GFI1: variants seen among roughly 807,000 people sequenced by gnomAD.
GFI1 encodes growth factor independent 1 transcriptional repressor.
GFI1 carries 15 observed loss-of-function variants against 39.2 expected under a neutral mutation model. That is an observed-to-expected ratio of 0.38 (90% confidence interval 0.26 to 0.59). GFI1 has a LOEUF of 0.59. Ranked by LOEUF, GFI1 falls within the 20% of genes least tolerant of loss-of-function variation. The pLI is 0.62. For missense variants in GFI1, 475 were observed against 574.0 expected (o/e 0.83, Z 1.76); for synonymous variants, 239 against 254.3 (o/e 0.94, Z 0.57).
chr1:92,475,918 G>T lies in GFI1; in HGVS notation c.*111C>A. 3.1e-6 allele frequency: 3 copies of T among 981,736 alleles called. No individual in the cohort carries two copies. The highest frequency in any genetic ancestry group is 2.0e-5 in the Admixed American group (1 of 50,494). The allele number at this position is 981,736 out of a possible 1,614,324, so 60.8% of individuals were successfully genotyped here. On this transcript the variant is annotated 3_prime_UTR_variant, in exon 7 of 7. Coordinates refer to ENST00000294702, the MANE Select transcript of GFI1 (RefSeq NM_005263.5). ...GGTAGGATCTGCAGACTGGACCTGG[G>T]GTCTGGAAAGTCAGAAGGGAGTGGA...
intron 5 of GFI1, among the ~76,000 whole-genome samples, chr1:92,479,567 G>A (rs570917920): frequency 1.3e-4 from 20 of 152,228 alleles, no homozygotes; most frequent in African/African-American, 4.8e-4. Context: ...AATAAATAGC[G>A]GCGGTGGGGC....
chr1:92,483,325 G>C, intron 2 of GFI1, 48 bp downstream of exon 2: 1 of 1,035,942 alleles, frequency 9.7e-7, no homozygotes, highest in Non-Finnish European at 1.5e-6. Flanking sequence ...CCGAGGTGCA[G>C]TAGGCATCCG....
Position 92,474,353 on chromosome 1 carries a change from T to C in GFI1, c.*1676A>G, listed in dbSNP as rs567176658. On this transcript the variant is annotated 3_prime_UTR_variant, in exon 7 of 7. Transcript: ENST00000294702. ...CAAAAGATTTACACAAGTCACATGA[T>C]GTGTTGGTGACAGAGCTGTGACTAA... is the stretch of plus-strand genomic sequence containing the variant. Among the ~76,000 whole-genome samples, 2 of 152,302 alleles carry C rather than the reference T, an allele frequency of 1.3e-5. No individual in the cohort carries two copies. The highest frequency in any genetic ancestry group is 4.8e-5 in the African/African-American group (2 of 41,570).
chr1:92,483,546 G>A lies in GFI1; in HGVS notation c.-59C>T, dbSNP rs1658391074. ...AGTCCCTGGAGCCGCTGTCACCCACGGTCACTCCGAGGGCTTGCTCAGCCC... is the reference window on the plus strand; with the variant it reads ...AGTCCCTGGAGCCGCTGTCACCCACAGTCACTCCGAGGGCTTGCTCAGCCC... On this transcript the variant is annotated 5_prime_UTR_variant, in exon 2 of 7. Transcript: ENST00000294702. 2.0e-6 allele frequency: 2 copies of A among 994,366 alleles called. No individual in the cohort carries two copies. The highest frequency in any genetic ancestry group is 2.6e-5 in the East Asian group (1 of 39,040). The allele number at this position is 994,366 out of a possible 1,614,324, so 61.6% of individuals were successfully genotyped here.
At position 92,484,583 on chromosome 1, in the gene GFI1, C is replaced by G. The variant is rs1658437831; in HGVS notation, c.-99-997G>C. 6.6e-6 allele frequency: 1 copy of G among 152,326 alleles called. No individual in the cohort carries two copies. Among genetic ancestry groups the G allele is most frequent in the Non-Finnish European group, 1.5e-5 (1 of 68,178 alleles). The allele number at this position is 152,326 out of a possible 1,614,324, so 9.4% of individuals were successfully genotyped here. ...CGCCAGAGCGCGCAGGCTGCATTAG[C>G]AGAGAGCGGGGGTCGGGCCCGGGCC... On this transcript the variant is annotated intron_variant, in intron 1 of 6. Coordinates refer to ENST00000294702, the MANE Select transcript of GFI1 (RefSeq NM_005263.5). This position sits in a 1 kb window ranked among gnomAD's most constrained non-coding sequence, Gnocchi z 4.1.
chr1:92,473,083 A>T lies in GFI1; in HGVS notation c.*2946T>A, dbSNP rs1422224586. On this transcript the variant is annotated 3_prime_UTR_variant, in exon 7 of 7. Transcript: ENST00000294702. ...TTTAATGGAGTCAAGTAATAACATT[A>T]AGAGAGATATTTGCAATCTTCAAAT... 6.6e-6 allele frequency among the ~76,000 whole-genome samples: 1 copy of T among 152,166 alleles called. No individual in the cohort carries two copies. Among genetic ancestry groups the T allele is most frequent in the Admixed American group, 6.5e-5 (1 of 15,278 alleles).
Position 92,475,697 on chromosome 1 carries a change from C to G in GFI1, c.*332G>C. On this transcript the variant is annotated 3_prime_UTR_variant, in exon 7 of 7. Coordinates refer to ENST00000294702, the MANE Select transcript of GFI1 (RefSeq NM_005263.5). The stretch of plus-strand genomic sequence containing the variant: ...GGGCATTCCTGTCTGTAGATTAGGG[C>G]TGGAAATGGGAAGGACTGTGGGGTC... The G allele has an allele frequency of 2.7e-6, 1 of 371,296 alleles. No individual in the cohort carries two copies. Among genetic ancestry groups the G allele is most frequent in the South Asian group, 2.5e-5 (1 of 39,872 alleles). 23.0% of individuals were successfully genotyped at this position (371,296 alleles called of 1,614,324 possible).
intron 6 of GFI1, among the ~76,000 whole-genome samples, chr1:92,476,710 G>A (rs1374993045): frequency 6.6e-6 from 1 of 152,048 alleles, no homozygotes; most frequent in Non-Finnish European, 1.5e-5. Flanking sequence ...TTGAAGGACA[G>A]CAGATTATAT....
Position 92,482,997 on chromosome 1 carries a change from C to A in GFI1, c.165G>T (p.Leu55Phe). The A allele has an allele frequency of 6.2e-7, 1 of 1,609,742 alleles. No homozygotes were observed. The highest frequency in any genetic ancestry group is 8.5e-7 in the Non-Finnish European group (1 of 1,177,710). The change falls in exon 3 of 7, where the codon TTG (leucine) becomes TTT (phenylalanine). Residue 55 changes from leucine (L) to phenylalanine (F), a missense_variant. By Grantham distance (22) the Leu-to-Phe change is conservative. This residue lies in a region of GFI1 where 275 missense variants were observed against 275.8 expected (regional missense o/e 1.00). Coordinates refer to ENST00000294702, the MANE Select transcript of GFI1 (RefSeq NM_005263.5). This position sits in a 1 kb window ranked among gnomAD's most constrained non-coding sequence, Gnocchi z 4.4. ...GGAKAEPRDR[L>F]SPESQLTEAP... ...CTTCGGTCAGCTGCGATTCGGGGGA[C>A]AAACGGTCCCGGGGCTCCGCCTTCG...
Position 92,482,910 on chromosome 1 carries a change from C to G in GFI1, c.252G>C (p.Ser84=), listed in dbSNP as rs140302204. The change falls in exon 3 of 7, where the codon TCG becomes TCC. Residue 84 remains serine (S), a synonymous_variant. Coordinates refer to ENST00000294702, the MANE Select transcript of GFI1 (RefSeq NM_005263.5). This position sits in a 1 kb window ranked among gnomAD's most constrained non-coding sequence, Gnocchi z 4.4. ...SCEGSVCERS[S]EFEDFWRPPS... The stretch of plus-strand genomic sequence containing the variant: ...GGGGCCTCCAGAAGTCCTCAAACTC[C>G]GAGCTCCGTTCGCAGACGCTGCCTT... 47 of 1,614,130 alleles carry G rather than the reference C, an allele frequency of 2.9e-5. No individual in the cohort carries two copies. The highest frequency in any genetic ancestry group is 3.3e-4 in the Middle Eastern group (2 of 6,056).
intron 5 of GFI1, among the ~76,000 whole-genome samples, chr1:92,478,955 T>C (rs1401124993): frequency 6.6e-6 from 1 of 152,070 alleles, no homozygotes; most frequent in East Asian, 1.9e-4. Context: ...ACCCTCCACC[T>C]CCCAGGTTCA....
Position 92,484,292 on chromosome 1 carries a change from C to G in GFI1, c.-99-706G>C, listed in dbSNP as rs1233856473. Among the ~76,000 whole-genome samples the G allele has an allele frequency of 2.0e-5, 3 of 152,178 alleles. No individual in the cohort carries two copies. Among genetic ancestry groups the G allele is most frequent in the Non-Finnish European group, 4.4e-5 (3 of 68,018 alleles). On this transcript the variant is annotated intron_variant, in intron 1 of 6. Transcript: ENST00000294702. This position sits in a 1 kb window ranked among gnomAD's most constrained non-coding sequence, Gnocchi z 4.1. ...AAACTCGCATCTGGGTGATCCCACT[C>G]GCCCCTCACTAGTGCCCCACGTAGG...
intron 6 of GFI1, among the ~76,000 whole-genome samples, chr1:92,477,696 C>A (rs1409502964): frequency 6.6e-6 from 1 of 152,178 alleles, no homozygotes; most frequent in Non-Finnish European, 1.5e-5. Flanking sequence ...ATGGTAAGAG[C>A]AGCTCCTTCT....
chr1:92,477,884 A>G (rs1456760258), intron 6 of GFI1, among the ~76,000 whole-genome samples: 2 of 152,240 alleles, frequency 1.3e-5, no homozygotes, highest in Admixed American at 1.3e-4. Flanking sequence ...GACTCTGAAC[A>G]TAAAATACAA....
Position 92,480,336 on chromosome 1 carries a change from C to G in GFI1, c.924+12G>C. 2 of 1,547,058 alleles carry G rather than the reference C, an allele frequency of 1.3e-6. No individual in the cohort carries two copies. Among genetic ancestry groups the G allele is most frequent in the Non-Finnish European group, 1.7e-6 (2 of 1,146,486 alleles). On this transcript the variant is annotated intron_variant, in intron 5 of 6. Coordinates refer to ENST00000294702, the MANE Select transcript of GFI1 (RefSeq NM_005263.5). The surrounding 1 kb of genome is among the most constrained non-coding windows in gnomAD (Gnocchi z 5.6). ...GAGCAGGGCCGCGCGCGGCGGTGCG[C>G]CCCGCGCTTACCTGCGAGTGCACGG...
chr1:92,476,472 C>T (rs72962652), intron 6 of GFI1, among the ~76,000 whole-genome samples: 1,722 of 152,260 alleles, frequency 0.011, 33 homozygotes, highest in African/African-American at 0.039. Flanking sequence ...TCCTGCTAAA[C>T]GGAAACAGAG....
chr1:92,481,952 T>C lies in GFI1; in HGVS notation c.299-864A>G, dbSNP rs752131899. ...ATTTACAAATGTGTGTGTGTGTGTGTGCGCACAACACTCCAGTTCAGGCTG... is the reference window on the plus strand; with the variant it reads ...ATTTACAAATGTGTGTGTGTGTGTGCGCGCACAACACTCCAGTTCAGGCTG... On this transcript the variant is annotated intron_variant, in intron 3 of 6. Coordinates refer to ENST00000294702, the MANE Select transcript of GFI1 (RefSeq NM_005263.5). This position sits in a 1 kb window ranked among gnomAD's most constrained non-coding sequence, Gnocchi z 4.3. Among the ~76,000 whole-genome samples the C allele has an allele frequency of 8.7e-3, 1,289 of 148,678 alleles. 17 individuals carry two copies. Among genetic ancestry groups the C allele is most frequent in the African/African-American group, 0.026 (1,050 of 40,148 alleles).
Position 92,481,524 on chromosome 1 carries a change from A to G in GFI1, c.299-436T>C, listed in dbSNP as rs1277880424. Among the ~76,000 whole-genome samples the G allele has an allele frequency of 6.6e-6, 1 of 152,216 alleles. No homozygotes were observed. The highest frequency in any genetic ancestry group is 1.9e-4 in the East Asian group (1 of 5,188). On this transcript the variant is annotated intron_variant, in intron 3 of 6. Coordinates refer to ENST00000294702, the MANE Select transcript of GFI1 (RefSeq NM_005263.5). This position sits in a 1 kb window ranked among gnomAD's most constrained non-coding sequence, Gnocchi z 4.3. ...GGCGGAAGGGTCCAGCCACCAGCGC[A>G]GGCACTCTCCCAGCCCCTACATGTT...
chr1:92,480,499 G>A lies in GFI1; in HGVS notation c.787-14C>T, dbSNP rs961671559. The stretch of plus-strand genomic sequence containing the variant: ...CGTGGAGAACACCTAAGGCGGGTGG[G>A]GCCAGAGAGAAGGCCGCTGAGAGGG... On this transcript the variant is annotated splice_polypyrimidine_tract_variant and intron_variant, in intron 4 of 6. Transcript: ENST00000294702. The surrounding 1 kb of genome is among the most constrained non-coding windows in gnomAD (Gnocchi z 5.6). 6.5e-7 allele frequency: 1 copy of A among 1,549,182 alleles called. No individual in the cohort carries two copies. Among genetic ancestry groups the A allele is most frequent in the Non-Finnish European group, 8.7e-7 (1 of 1,146,210 alleles).
Sources: gnomAD v4.1 joint callset for allele counts (sites outside exome capture counted in the v4.1 genomes callset) on GRCh38, gnomAD v4.1.1 for gene constraint, gnomAD v4.1.1 regional missense constraint, Gnocchi (gnomAD v3.1) non-coding constraint, MANE v1.5 for transcripts, NCBI Gene and HGNC (gene_info 2026-07-23, HGNC 2026-07-21) for gene names.